Variants in DCHS1 observed in about 807,000 individuals in gnomAD.
DCHS1 encodes protocadherin-16.
In DCHS1, 78 loss-of-function variants were observed where a neutral mutation model predicts 213.9. The ratio of observed to expected loss-of-function variants is 0.36; its 90% CI spans 0.30 to 0.44. DCHS1 has a LOEUF of 0.44. Ranked by LOEUF, DCHS1 falls within the 20% of genes least tolerant of loss-of-function variation. DCHS1 has a pLI of 1.00. For synonymous variants in DCHS1, 1,828 were observed against 1,873.7 expected (o/e 0.98, Z 0.63); for missense variants, 3,946 against 4,395.9 (o/e 0.90, Z 2.89).
intron 1 of DCHS1, 116 bp downstream of exon 1, chr11:6,655,447 C>A: frequency 1.5e-6 from 1 of 680,520 alleles, no homozygotes; most frequent in Non-Finnish European, 1.8e-6. Context: ...CCCCCCTCCC[C>A]CATTGTCTCC....
chr11:6,622,277 A>G lies in DCHS1; in HGVS notation c.9399T>C (p.Tyr3133=), dbSNP rs781265531. The G allele has an allele frequency of 5.0e-6, 8 of 1,606,876 alleles. No homozygotes were observed. The South Asian group carries it at 7.8e-5, about 16-fold the overall frequency. Residue 3133 remains tyrosine (Y), a synonymous_variant, in exon 21 of 21, where the codon TAT becomes TAC. Coordinates refer to ENST00000299441, the MANE Select transcript of DCHS1 (RefSeq NM_003737.4). The surrounding 1 kb of genome is among the most constrained non-coding windows in gnomAD (Gnocchi z 5.4). ...CGLSPAPTGD[Y]GFPADGKPCV... The stretch of plus-strand genomic sequence containing the variant: ...ATGGCTTGCCATCTGCTGGGAAGCC[A>G]TAGTCCCCAGTGGGTGCAGGGCTCA...
At position 6,629,827 on chromosome 11, in the gene DCHS1, G is replaced by A; in HGVS notation, c.4880C>T (p.Pro1627Leu). The change falls in exon 11 of 21, where the codon CCG becomes CTG. Residue 1627 changes from proline to leucine, a missense_variant. Around this residue, in one of 3 missense-constraint regions of DCHS1, gnomAD observed 3,384 missense variants for 3,780.1 expected, o/e 0.90. Transcript: ENST00000299441. ...CAGGACCTGCGTGGCCGAGCGCGGC[G>A]GGGAGCCGTGGTCTGAGGCCACCAC... ...LTVVASDHGS[P>L]PRSATQVLTV... 1.2e-6 allele frequency: 2 copies of A among 1,613,070 alleles called. No individual in the cohort carries two copies. Among genetic ancestry groups the A allele is most frequent in the Non-Finnish European group, 1.7e-6 (2 of 1,179,886 alleles).
chr11:6,637,642 C>G lies in DCHS1; in HGVS notation c.1797+2175G>C, dbSNP rs139288203. Among the ~76,000 whole-genome samples the G allele has an allele frequency of 3.5e-3, 536 of 151,992 alleles. 4 individuals are homozygous for G. Among genetic ancestry groups the G allele is most frequent in the African/African-American group, 0.012 (512 of 41,464 alleles). On this transcript the variant is annotated intron_variant, in intron 2 of 20. Transcript: ENST00000299441. ...CCTCTGCTTGGAAGCCTTCCCCCATCTGATACTCTCATAAATTGCTCATTC... is the reference window on the plus strand; with the variant it reads ...CCTCTGCTTGGAAGCCTTCCCCCATGTGATACTCTCATAAATTGCTCATTC...
In DCHS1 at chr11:6,649,128, A is replaced by G. The variant is rs865899744; in HGVS notation, c.-121+6435T>C. Among the ~76,000 whole-genome samples, 3 of 151,910 alleles carry G rather than the reference A, an allele frequency of 2.0e-5. No individual in the cohort carries two copies. In the South Asian group the frequency reaches 6.3e-4, roughly 32 times the overall value. On this transcript the variant is annotated intron_variant, in intron 1 of 20. Coordinates refer to ENST00000299441, the MANE Select transcript of DCHS1 (RefSeq NM_003737.4). ...CTGTTGTGTGCCACACACACACAGTAACTCTGCAGTAAGTGTTATTTCACA... is the reference window on the plus strand; with the variant it reads ...CTGTTGTGTGCCACACACACACAGTGACTCTGCAGTAAGTGTTATTTCACA...
chr11:6,638,672 A>C (rs949394819), intron 2 of DCHS1, among the ~76,000 whole-genome samples: 1 of 152,074 alleles, frequency 6.6e-6, no homozygotes, highest in African/African-American at 2.4e-5. Flanking sequence ...GTGTCTCCCT[A>C]TCTAGACTGT....
chr11:6,640,322 T>C lies in DCHS1; in HGVS notation c.1292A>G (p.Asp431Gly). Reference sequence around the variant, plus strand: ...GTTATAGGCATCCCTCTCCTCTCGATCCAGCCGCCGAGCCACACACACCAG... The same window carrying C: ...GTTATAGGCATCCCTCTCCTCTCGACCCAGCCGCCGAGCCACACACACCAG... ...IYLVCVARRL[D>G]REERDAYNLR... Residue 431 changes from aspartate (D) to glycine (G), a missense_variant, in exon 2 of 21, where the codon GAT (aspartate) becomes GGT (glycine). Transcript: ENST00000299441. The surrounding 1 kb of genome is among the most constrained non-coding windows in gnomAD (Gnocchi z 6.5). 1 of 1,608,602 alleles carries C rather than the reference T, an allele frequency of 6.2e-7. No homozygotes were observed.
rs139613271 is a variant in DCHS1 at position 6,623,195 on chromosome 11, C to T, written c.8481G>A (p.Arg2827=). 6.7e-5 allele frequency: 108 copies of T among 1,604,708 alleles called. No homozygotes were observed. The African/African-American group carries it at 1.3e-3, about 19-fold the overall frequency. ...AFHFQVPEGA[R]RGHSLGHVQA... is the part of the protein sequence containing the mutation. ...GCACGTGACCCAAGCTGTGGCCACG[C>T]CGGGCACCTTCGGGCACTTGGAAGT... Residue 2827 remains arginine (R), a synonymous_variant, in exon 21 of 21, where the codon CGG becomes CGA. Transcript: ENST00000299441.
chr11:6,632,292 C>A lies in DCHS1; in HGVS notation c.3220G>T (p.Ala1074Ser), dbSNP rs757205104. 8.1e-6 allele frequency: 13 copies of A among 1,613,956 alleles called. No individual in the cohort carries two copies. The South Asian group carries it at 1.4e-4, about 18-fold the overall frequency. Residue 1074 changes from alanine to serine, a missense_variant, in exon 6 of 21, where the codon GCA becomes TCA. This residue lies in a region of DCHS1 where 3,384 missense variants were observed against 3,780.1 expected (regional missense o/e 0.90). Coordinates refer to ENST00000299441, the MANE Select transcript of DCHS1 (RefSeq NM_003737.4). The surrounding 1 kb of genome is among the most constrained non-coding windows in gnomAD (Gnocchi z 5.9). ...AQELYILKVM[A>S]VSGSKAELGQ... ...AACTCAGCTTTGGACCCAGACACTGCCATTACCTTCAGTATGTACAATTCC... is the reference window on the plus strand; with the variant it reads ...AACTCAGCTTTGGACCCAGACACTGACATTACCTTCAGTATGTACAATTCC...
rs567744979 is a variant in DCHS1, at chr11:6,640,461, C to T, written c.1153G>A (p.Val385Ile). ...VSEAAPPGQL[V>I]ARISVSDPDD... Reference sequence around the variant, plus strand: ...GGGTCTGACACAGAGATGCGAGCAACGAGCTGTCCAGGTGGGGCGGCCTCA... The same window carrying T: ...GGGTCTGACACAGAGATGCGAGCAATGAGCTGTCCAGGTGGGGCGGCCTCA... The change falls in exon 2 of 21, where the codon GTT (valine) becomes ATT (isoleucine). Residue 385 changes from valine (V) to isoleucine (I), a missense_variant. Around this residue, in one of 3 missense-constraint regions of DCHS1, gnomAD observed 3,384 missense variants for 3,780.1 expected, o/e 0.90. Transcript: ENST00000299441. The surrounding 1 kb of genome is among the most constrained non-coding windows in gnomAD (Gnocchi z 6.5). 37 of 1,613,812 alleles carry T rather than the reference C, an allele frequency of 2.3e-5. No homozygotes were observed. Among genetic ancestry groups the T allele is most frequent in the Middle Eastern group, 1.6e-4 (1 of 6,062 alleles).
At position 6,622,129 on chromosome 11, in the gene DCHS1, T is replaced by C; in HGVS notation, c.9547A>G (p.Ile3183Val). The change falls in exon 21 of 21, where the codon ATC (isoleucine) becomes GTC (valine). Residue 3183 changes from isoleucine (I) to valine (V), a missense_variant. Physicochemically the swap from Ile to Val is conservative, Grantham distance 29. Coordinates refer to ENST00000299441, the MANE Select transcript of DCHS1 (RefSeq NM_003737.4). This position sits in a 1 kb window ranked among gnomAD's most constrained non-coding sequence, Gnocchi z 5.4. ...FQPLASVFTE[I>V]ARLKDEARPC... ...CGAGCTTCATCCTTGAGCCGAGCGATCTCTGTGAAGACACTGGCCAGTGGT... is the reference window on the plus strand; with the variant it reads ...CGAGCTTCATCCTTGAGCCGAGCGACCTCTGTGAAGACACTGGCCAGTGGT... 1 of 1,612,954 alleles carries C rather than the reference T, an allele frequency of 6.2e-7. No individual in the cohort carries two copies. The highest frequency in any genetic ancestry group is 8.5e-7 in the Non-Finnish European group (1 of 1,179,786).
At chr11:6,655,489 G>T in intron 1 of DCHS1, 74 bp downstream of exon 1, 1 of 913,170 alleles carries the variant, frequency 1.1e-6, no homozygotes, top group Non-Finnish European at 1.3e-6. Flanking sequence ...CTCCGCCGCC[G>T]CTGCCGCAGC....
chr11:6,630,541 C>G lies in DCHS1; in HGVS notation c.4253G>C (p.Arg1418Pro). The G allele has an allele frequency of 2.6e-6, 4 of 1,531,184 alleles. No individual in the cohort carries two copies. Among genetic ancestry groups the G allele is most frequent in the Non-Finnish European group, 3.5e-6 (4 of 1,145,720 alleles). The allele number at this position is 1,531,184 out of a possible 1,614,324, so 94.8% of individuals were successfully genotyped here. The change falls in exon 10 of 21, where the codon CGG becomes CCG. Residue 1418 changes from arginine (R) to proline (P), a missense_variant. Physicochemically the swap from Arg to Pro is moderately radical, Grantham distance 103. This residue lies in a region of DCHS1 where 3,384 missense variants were observed against 3,780.1 expected (regional missense o/e 0.90). Transcript: ENST00000299441. ...CACTTGCACCTGCACTCGCAGCAGC[C>G]GCGCGCCCGCGCCTCCCGGCCCCTC... ...RAEGPGGAGARLLRVQVQVQD... is the reference protein window; with the variant it reads ...RAEGPGGAGAPLLRVQVQVQD...
In DCHS1 at chr11:6,640,138, T is replaced by A; in HGVS notation, c.1476A>T (p.Val492=). 1.9e-6 allele frequency: 3 copies of A among 1,613,746 alleles called. No individual in the cohort carries two copies. Among genetic ancestry groups the A allele is most frequent in the Non-Finnish European group, 2.5e-6 (3 of 1,179,778 alleles). The change falls in exon 2 of 21, where the codon GTA becomes GTT. Residue 492 remains valine, a synonymous_variant. Transcript: ENST00000299441. This position sits in a 1 kb window ranked among gnomAD's most constrained non-coding sequence, Gnocchi z 6.5. ...LPEVALPGSF[V]VRVTARDPDQ... ...CAGGATCCCGAGCAGTCACCCGCAC[T>A]ACAAAGCTGCCAGGCAGCGCAACCT...
intron 1 of DCHS1, among the ~76,000 whole-genome samples, chr11:6,646,805 G>A (rs1282771597): frequency 6.6e-6 from 1 of 152,110 alleles, no homozygotes. Context: ...CCTGAAACGT[G>A]ATGTCAATTC....
chr11:6,622,079 G>T lies in DCHS1; in HGVS notation c.9597C>A (p.Ile3199=). 6.2e-7 allele frequency: 1 copy of T among 1,612,006 alleles called. No individual in the cohort carries two copies. The highest frequency in any genetic ancestry group is 2.2e-5 in the East Asian group (1 of 44,794). Residue 3199 remains isoleucine (I), a synonymous_variant, in exon 21 of 21, where the codon ATC becomes ATA. Transcript: ENST00000299441. This position sits in a 1 kb window ranked among gnomAD's most constrained non-coding sequence, Gnocchi z 5.4. ...CGGCAGTGATGAGGGGTGGTGGGTC[G>T]ATACGGGGAGCTGGGGGACATGGCC... ...EARPCPPAPR[I]DPPPLITAVA... is the part of the protein sequence containing the mutation.
At position 6,628,907 on chromosome 11, in the gene DCHS1, A is replaced by C. The variant is rs1041480122; in HGVS notation, c.5162-77T>G. Reference sequence around the variant, plus strand: ...AATCCACACCACACAGTGTTCATACATGTTCACTAGGTGCACACAAACCAG... The same window carrying C: ...AATCCACACCACACAGTGTTCATACCTGTTCACTAGGTGCACACAAACCAG... On this transcript the variant is annotated intron_variant, in intron 12 of 20. Transcript: ENST00000299441. This position sits in a 1 kb window ranked among gnomAD's most constrained non-coding sequence, Gnocchi z 4.3. The C allele has an allele frequency of 6.8e-6, 10 of 1,471,936 alleles. No individual in the cohort carries two copies. Among genetic ancestry groups the C allele is most frequent in the Admixed American group, 2.0e-5 (1 of 51,274 alleles). The allele number at this position is 1,471,936 out of a possible 1,614,324, so 91.2% of individuals were successfully genotyped here. A position where few individuals can be genotyped will look rare whatever the true frequency, so the allele number is the denominator to read the frequency against.
intron 1 of DCHS1, among the ~76,000 whole-genome samples, chr11:6,653,066 C>T (rs1856267621): frequency 4.6e-5 from 7 of 152,168 alleles, no homozygotes; most frequent in Admixed American, 2.6e-4. Flanking sequence ...GATTTGGTGA[C>T]TCTCCATTAT....
rs754310460 is a variant in DCHS1, at chr11:6,633,931, G to A, written c.2076C>T (p.Ala692=). 3 of 1,613,862 alleles carry A rather than the reference G, an allele frequency of 1.9e-6. No homozygotes were observed. The highest frequency in any genetic ancestry group is 2.5e-6 in the Non-Finnish European group (3 of 1,179,896). ...PPQFYPREYA[A]SISAQSPPGT... is the part of the protein sequence containing the mutation. Reference sequence around the variant, plus strand: ...CTGGTGGACTCTGGGCACTTATACTGGCAGCATACTCCCGTGGATAAAACT... The same window carrying A: ...CTGGTGGACTCTGGGCACTTATACTAGCAGCATACTCCCGTGGATAAAACT... Residue 692 remains alanine, a synonymous_variant, in exon 4 of 21, where the codon GCC becomes GCT. Coordinates refer to ENST00000299441, the MANE Select transcript of DCHS1 (RefSeq NM_003737.4).
intron 1 of DCHS1, among the ~76,000 whole-genome samples, chr11:6,648,153 C>T (rs1406010884): frequency 1.3e-5 from 2 of 152,152 alleles, no homozygotes; most frequent in Non-Finnish European, 2.9e-5. Flanking sequence ...TGCAGCTTAG[C>T]ATAGAGACCA....
Sources: allele counts gnomAD v4.1 joint callset (sites outside exome capture counted in the v4.1 genomes callset), GRCh38; gene constraint gnomAD v4.1.1; regional missense constraint gnomAD v4.1.1; non-coding constraint Gnocchi (gnomAD v3.1); transcripts MANE v1.5; gene names NCBI Gene and HGNC (gene_info 2026-07-23, HGNC 2026-07-21).